Variants in ZC3H12B observed in about 807,000 individuals in gnomAD.
ZC3H12B encodes the protein probable ribonuclease ZC3H12B.
A neutral mutation model predicts 43.9 loss-of-function variants in ZC3H12B; 7 were observed. The ratio of observed to expected loss-of-function variants is 0.16; its 90% CI spans 0.09 to 0.30. ZC3H12B has a LOEUF of 0.30. ZC3H12B is among the 10% of genes least tolerant of loss of function. The probability of loss-of-function intolerance (pLI) is 1.00; values close to 1 mark genes in which losing one functional copy is unlikely to be tolerated. For synonymous variants in ZC3H12B, 222 were observed against 241.7 expected (o/e 0.92, Z 0.76); for missense variants, 475 against 670.2 (o/e 0.71, Z 3.22).
At chrX:65,489,955 C>T (rs1318468086) in intron 1 of ZC3H12B, among the ~76,000 whole-genome samples, 1 of 111,581 alleles carries the variant, frequency 9.0e-6, no homozygotes, top group Non-Finnish European at 1.9e-5. Flanking sequence ...GTGTTCATGT[C>T]TTTTCCCAAA....
the ZC3H12B span, among the ~76,000 whole-genome samples, chrX:65,146,095 C>A: frequency 9.0e-6 from 1 of 111,218 alleles, no homozygotes; most frequent in Non-Finnish European, 1.9e-5. Context: ...TTTTAGATTT[C>A]TCTTTTTCCT....
At chrX:65,428,443 T>C (rs1165071577) in intron 3 of ZC3H12B, among the ~76,000 whole-genome samples, 2 of 112,376 alleles carry the variant, frequency 1.8e-5, no homozygotes, top group Non-Finnish European at 3.8e-5. Context: ...CTTGGAGGTT[T>C]TGTTCATGTT....
At chrX:65,373,671 C>T (rs1456281066) in intron 2 of ZC3H12B, among the ~76,000 whole-genome samples, 1 of 92,658 alleles carries the variant, frequency 1.1e-5, no homozygotes, top group Non-Finnish European at 2.1e-5. Flanking sequence ...TGTTCTCACT[C>T]ATAGGTGAGA....
the ZC3H12B span, among the ~76,000 whole-genome samples, chrX:65,229,477 A>T: frequency 1.8e-5 from 2 of 109,363 alleles, no homozygotes; most frequent in Admixed American, 2.0e-4. Flanking sequence ...GGCATGGGCA[A>T]GGACTTCATG....
the ZC3H12B span, among the ~76,000 whole-genome samples, chrX:65,150,025 G>A: frequency 9.1e-6 from 1 of 109,743 alleles, no homozygotes; most frequent in African/African-American, 3.3e-5. Context: ...ATATCCATGA[G>A]CATATTCTTT....
the ZC3H12B span, among the ~76,000 whole-genome samples, chrX:65,264,070 C>A: frequency 9.0e-6 from 1 of 111,426 alleles, no homozygotes; most frequent in Non-Finnish European, 1.9e-5. Flanking sequence ...AAAGAAAAGC[C>A]AAATACCTTG....
chrX:65,398,379 A>G (rs1389305509), intron 2 of ZC3H12B, among the ~76,000 whole-genome samples: 2 of 112,185 alleles, frequency 1.8e-5, no homozygotes, highest in Non-Finnish European at 3.8e-5. Flanking sequence ...ATACTACAGA[A>G]CTATAGTGAT....
intron 1 of ZC3H12B, among the ~76,000 whole-genome samples, chrX:65,367,755 C>T (rs752390677): frequency 9.0e-6 from 1 of 111,103 alleles, no homozygotes; most frequent in East Asian, 2.8e-4. Flanking sequence ...TTGACACACC[C>T]TTAGGAGGTC....
chrX:65,175,011 G>A, the ZC3H12B span, among the ~76,000 whole-genome samples: 1 of 112,132 alleles, frequency 8.9e-6, no homozygotes. Flanking sequence ...TTGAAACCCA[G>A]GCCCCTTCAG....
intron 3 of ZC3H12B, among the ~76,000 whole-genome samples, chrX:65,452,964 A>G (rs2067540545): frequency 1.8e-5 from 2 of 110,648 alleles, no homozygotes; most frequent in Non-Finnish European, 3.8e-5. Context: ...GTTCCCATCA[A>G]AATGCCACCA....
At chrX:65,341,282 T>G in the ZC3H12B span, among the ~76,000 whole-genome samples, 2 of 112,204 alleles carry the variant, frequency 1.8e-5, no homozygotes, top group South Asian at 3.7e-4. Context: ...ATGGAAAACA[T>G]ATTTCAGAAT....
chrX:65,322,349 G>A, the ZC3H12B span, among the ~76,000 whole-genome samples: 8 of 111,910 alleles, frequency 7.1e-5, no homozygotes, highest in Non-Finnish European at 1.3e-4. Flanking sequence ...TCCAATATTG[G>A]AAATTAAATT....
the ZC3H12B span, among the ~76,000 whole-genome samples, chrX:65,268,389 G>A: frequency 9.0e-6 from 1 of 111,467 alleles, no homozygotes; most frequent in Non-Finnish European, 1.9e-5. Flanking sequence ...GAGCTACAGG[G>A]AACACTTTCA....
chrX:65,061,265 G>T, the ZC3H12B span, among the ~76,000 whole-genome samples: 806 of 111,233 alleles, frequency 7.2e-3, 7 homozygotes, highest in African/African-American at 0.025. Context: ...CGTCATCTAG[G>T]TTTTAAACTC....
At chrX:65,085,943 A>C in the ZC3H12B span, among the ~76,000 whole-genome samples, 1 of 111,144 alleles carries the variant, frequency 9.0e-6, no homozygotes, top group South Asian at 3.8e-4. Context: ...CTACATGATC[A>C]CAGAGCATAC....
the ZC3H12B span, among the ~76,000 whole-genome samples, chrX:65,126,952 G>T: frequency 9.1e-6 from 1 of 110,185 alleles, no homozygotes; most frequent in African/African-American, 3.3e-5. Flanking sequence ...TTTTTCTGGT[G>T]TTTTCTTGAT....
At chrX:65,332,598 G>C in the ZC3H12B span, among the ~76,000 whole-genome samples, 1 of 111,197 alleles carries the variant, frequency 9.0e-6, no homozygotes, top group African/African-American at 3.3e-5. Context: ...ATACTGATCC[G>C]GATTTTTATA....
chrX:65,118,895 C>T, the ZC3H12B span, among the ~76,000 whole-genome samples: 9 of 103,766 alleles, frequency 8.7e-5, no homozygotes, highest in Non-Finnish European at 1.8e-4. Context: ...TGAGAACATG[C>T]GGTGTTTGGT....
the ZC3H12B span, among the ~76,000 whole-genome samples, chrX:65,300,953 C>A: frequency 9.3e-6 from 1 of 107,975 alleles, no homozygotes; most frequent in Non-Finnish European, 1.9e-5. Flanking sequence ...GACTAATATC[C>A]AGAATCTACA....
Sources: allele counts gnomAD v4.1 joint callset (sites outside exome capture counted in the v4.1 genomes callset), GRCh38; gene constraint gnomAD v4.1.1; transcripts MANE v1.5; gene names NCBI Gene and HGNC (gene_info 2026-07-23, HGNC 2026-07-21).